SGCZ: variants seen among roughly 807,000 people sequenced by gnomAD.
The protein encoded by SGCZ is sarcoglycan zeta.
A neutral mutation model predicts 41.3 loss-of-function variants in SGCZ; 40 were observed. The ratio of observed to expected loss-of-function variants is 0.97; its 90% confidence interval spans 0.75 to 1.26. The LOEUF is 1.26. Ranked by LOEUF, SGCZ falls within the 50% of genes most tolerant of loss-of-function variation. The pLI is 0.00. For synonymous variants in SGCZ, 206 were observed against 137.5 expected (o/e 1.50, Z -3.49); for missense variants, 552 against 369.8 (o/e 1.49, Z -4.04).
intron 4 of SGCZ, among the ~76,000 whole-genome samples, chr8:14,181,229 T>C (rs944506551): frequency 6.6e-6 from 1 of 152,188 alleles, no homozygotes; most frequent in Non-Finnish European, 1.5e-5. Flanking sequence ...TTATTCTTCC[T>C]ACCTTGGGAG....
In SGCZ at chr8:14,217,628, GTTT is replaced by G. The variant is rs1168241820; in HGVS notation, c.424+19961_424+19963del. The stretch of plus-strand genomic sequence containing the variant: ...TTGAGAACATTTAAATTCAACTAAA[GTTT>G]TTTTTTTTTTTTTTTTTTTTGAGAC... On this transcript the variant is annotated intron_variant, in intron 4 of 7. Transcript: ENST00000382080. Among the ~76,000 whole-genome samples, 10 of 100,814 alleles carry G rather than the reference GTTT, an allele frequency of 9.9e-5. No homozygotes were observed. The East Asian group carries it at 1.8e-3, about 18-fold the overall frequency. The allele number at this position is 100,814 out of a possible 152,430, so 66.1% of individuals were successfully genotyped here.
chr8:14,594,560 T>C (rs1805347550), intron 1 of SGCZ, among the ~76,000 whole-genome samples: 1 of 150,318 alleles, frequency 6.7e-6, no homozygotes, highest in African/African-American at 2.5e-5. Flanking sequence ...TGATGATGCA[T>C]AATTAATAGA....
intron 1 of SGCZ, among the ~76,000 whole-genome samples, chr8:15,223,448 G>A (rs756250281): frequency 6.6e-6 from 1 of 152,078 alleles, no homozygotes; most frequent in Non-Finnish European, 1.5e-5. Context: ...TTATAAAAAA[G>A]CCTAGAAATA....
At chr8:15,191,138 TA>T (rs1009473802) in intron 1 of SGCZ, among the ~76,000 whole-genome samples, 1 of 152,068 alleles carries the variant, frequency 6.6e-6, no homozygotes, top group African/African-American at 2.4e-5. Flanking sequence ...GCAGTGCATA[TA>T]AAAAAATCTA....
chr8:14,386,049 G>C (rs533259442), intron 2 of SGCZ, among the ~76,000 whole-genome samples: 1 of 151,708 alleles, frequency 6.6e-6, no homozygotes, highest in South Asian at 2.1e-4. Flanking sequence ...TTTATTGTGG[G>C]GTTTTGTTTT....
intron 1 of SGCZ, among the ~76,000 whole-genome samples, chr8:15,005,504 T>C (rs1175998256): frequency 1.3e-5 from 2 of 151,982 alleles, no homozygotes; most frequent in Non-Finnish European, 2.9e-5. Flanking sequence ...GCTAATTTTG[T>C]ATTTTCAGTA....
intron 2 of SGCZ, among the ~76,000 whole-genome samples, chr8:14,545,133 G>A (rs1040364848): frequency 1.1e-4 from 16 of 151,998 alleles, no homozygotes; most frequent in African/African-American, 3.9e-4. Context: ...ATGGAAAATA[G>A]AAAGAACCTA....
intron 1 of SGCZ, among the ~76,000 whole-genome samples, chr8:14,894,268 T>C (rs1430061606): frequency 6.6e-6 from 1 of 152,168 alleles, no homozygotes; most frequent in African/African-American, 2.4e-5. Context: ...TAAGCAACTA[T>C]AGTTAATGAA....
rs544177418 is a variant in SGCZ at position 14,808,997 on chromosome 8, G to A, written c.40-254071C>T. Among the ~76,000 whole-genome samples the A allele has an allele frequency of 5.3e-3, 796 of 150,196 alleles. 2 individuals carry two copies. The highest frequency in any genetic ancestry group is 0.018 in the African/African-American group (720 of 40,466). The stretch of plus-strand genomic sequence containing the variant: ...TCGCAAGAACAAAAAACCAAACACC[G>A]CATATTCTCACTCATAGGTGGGAAT... On this transcript the variant is annotated intron_variant, in intron 1 of 7. Coordinates refer to ENST00000382080, the MANE Select transcript of SGCZ (RefSeq NM_139167.4).
intron 2 of SGCZ, among the ~76,000 whole-genome samples, chr8:14,386,883 G>C (rs1437265859): frequency 6.6e-6 from 1 of 152,120 alleles, no homozygotes; most frequent in Non-Finnish European, 1.5e-5. Flanking sequence ...ATTCTAGTTA[G>C]CATATTTTGA....
At chr8:14,765,705 T>G (rs1161583850) in intron 1 of SGCZ, among the ~76,000 whole-genome samples, 5 of 152,222 alleles carry the variant, frequency 3.3e-5, no homozygotes, top group Admixed American at 1.3e-4. Flanking sequence ...AAGTGCATTT[T>G]ATGGCATGAC....
chr8:14,593,408 T>G (rs1805302294), intron 1 of SGCZ, among the ~76,000 whole-genome samples: 1 of 152,218 alleles, frequency 6.6e-6, no homozygotes, highest in Non-Finnish European at 1.5e-5. Context: ...GTCTTGATTT[T>G]AGATGTCTGA....
At chr8:14,221,009 T>C (rs936678477) in intron 4 of SGCZ, among the ~76,000 whole-genome samples, 8 of 72,342 alleles carry the variant, frequency 1.1e-4, no homozygotes, top group African/African-American at 6.1e-4. Context: ...GTGCCTAATA[T>C]AGAAAAAAAA....
chr8:14,971,427 C>T (rs1211684032), intron 1 of SGCZ, among the ~76,000 whole-genome samples: 1 of 151,990 alleles, frequency 6.6e-6, no homozygotes, highest in African/African-American at 2.4e-5. Flanking sequence ...TGTTCTCTAT[C>T]ATTTTGAGAA....
chr8:14,201,709 C>T (rs571796752), intron 4 of SGCZ, among the ~76,000 whole-genome samples: 44 of 152,226 alleles, frequency 2.9e-4, no homozygotes, highest in African/African-American at 9.9e-4. Flanking sequence ...AGTTATTTGA[C>T]TATATGCACC....
At chr8:14,780,596 C>G (rs1251874274) in intron 1 of SGCZ, among the ~76,000 whole-genome samples, 1 of 151,880 alleles carries the variant, frequency 6.6e-6, no homozygotes, top group Non-Finnish European at 1.5e-5. Context: ...CCTGGAGAAA[C>G]AGGTAGAATA....
chr8:14,104,562 C>T (rs1040698544), intron 6 of SGCZ, among the ~76,000 whole-genome samples: 1 of 151,798 alleles, frequency 6.6e-6, no homozygotes, highest in Non-Finnish European at 1.5e-5. Context: ...TCAGGAGAAA[C>T]AGAAAGAAAG....
At position 14,534,622 on chromosome 8, in the gene SGCZ, G is replaced by A. The variant is rs113670208; in HGVS notation, c.234+20110C>T. Among the ~76,000 whole-genome samples the A allele has an allele frequency of 2.4e-3, 368 of 151,982 alleles. 2 individuals are homozygous for A. The highest frequency in any genetic ancestry group is 8.3e-3 in the African/African-American group (345 of 41,478). On this transcript the variant is annotated intron_variant, in intron 2 of 7. Transcript: ENST00000382080. The stretch of plus-strand genomic sequence containing the variant: ...ACCGTTGAGCAAATAGCTAATTACC[G>A]CACAGGAGGGAGGAGGAACCTTAAT...
intron 1 of SGCZ, among the ~76,000 whole-genome samples, chr8:14,747,977 C>T (rs1799388694): frequency 1.3e-5 from 2 of 150,822 alleles, no homozygotes; most frequent in African/African-American, 2.4e-5. Context: ...TCACCCACCT[C>T]GGCCACAAGG....
Sources: allele counts gnomAD v4.1 joint callset (sites outside exome capture counted in the v4.1 genomes callset), GRCh38; gene constraint gnomAD v4.1.1; transcripts MANE v1.5; gene names NCBI Gene and HGNC (gene_info 2026-07-23, HGNC 2026-07-21).